Variants in RBPJ observed in about 807,000 individuals in gnomAD.
RBPJ encodes recombining binding protein suppressor of hairless.
RBPJ carries 9 observed loss-of-function variants against 67.8 expected under a neutral mutation model. The ratio of observed to expected loss-of-function variants is 0.13; its 90% CI spans 0.08 to 0.23. RBPJ has a LOEUF of 0.23. Ranked by LOEUF, RBPJ falls within the 10% of genes least tolerant of loss-of-function variation. RBPJ has a pLI of 1.00. For missense variants in RBPJ, 305 were observed against 595.6 expected, an observed-to-expected ratio of 0.51 and a Z score of 5.08; for synonymous variants, 198 against 203.3, an observed-to-expected ratio of 0.97 and a Z score of 0.22.
chr4:26,188,481 G>T (rs1717357481), intron 1 of RBPJ, among the ~76,000 whole-genome samples: 1 of 152,108 alleles, frequency 6.6e-6, no homozygotes, highest in Non-Finnish European at 1.5e-5. Context: ...TATTTTACCA[G>T]TTATCCTTAC....
chr4:26,415,832 C>T (rs555429095), intron 4 of RBPJ, among the ~76,000 whole-genome samples, 192 bp downstream of exon 4: 1 of 152,230 alleles, frequency 6.6e-6, no homozygotes, highest in Non-Finnish European at 1.5e-5. Flanking sequence ...ACGCTGCTGA[C>T]ATTGGAAGGT....
chr4:26,230,081 T>C (rs1719224402), intron 1 of RBPJ, among the ~76,000 whole-genome samples: 2 of 151,778 alleles, frequency 1.3e-5, no homozygotes, highest in African/African-American at 4.8e-5. Context: ...TCTCAGCTAC[T>C]TGGGAGGTTG....
chr4:26,185,502 C>A (rs1717213902), intron 1 of RBPJ, among the ~76,000 whole-genome samples: 1 of 152,098 alleles, frequency 6.6e-6, no homozygotes, highest in South Asian at 2.1e-4. Flanking sequence ...ATGGAGAAGG[C>A]CAGGAAAAAT....
At chr4:26,223,202 G>T (rs113532130) in intron 1 of RBPJ, among the ~76,000 whole-genome samples, 163 of 152,004 alleles carry the variant, frequency 1.1e-3, no homozygotes, top group African/African-American at 3.8e-3. Flanking sequence ...TTTGATGGTG[G>T]ATGTGCTGCT....
At chr4:26,206,625 A>G (rs1392328197) in intron 1 of RBPJ, among the ~76,000 whole-genome samples, 5 of 152,090 alleles carry the variant, frequency 3.3e-5, no homozygotes, top group Non-Finnish European at 7.3e-5. Context: ...CAAGACCAAT[A>G]TTGATCTAGT....
At chr4:26,232,780 G>A (rs147780226) in intron 1 of RBPJ, among the ~76,000 whole-genome samples, 1 of 152,314 alleles carries the variant, frequency 6.6e-6, no homozygotes, top group Non-Finnish European at 1.5e-5. Context: ...GTGGCTGGGA[G>A]CAAATGGCTT....
intron 1 of RBPJ, among the ~76,000 whole-genome samples, chr4:26,195,106 C>T (rs544424889): frequency 6.6e-6 from 1 of 152,300 alleles, no homozygotes; most frequent in East Asian, 1.9e-4. Context: ...CATGGTGGCT[C>T]ATGTCTGTAA....
At chr4:26,329,076 A>G (rs533832920) in intron 1 of RBPJ, among the ~76,000 whole-genome samples, 110 of 152,220 alleles carry the variant, frequency 7.2e-4, no homozygotes, top group African/African-American at 2.5e-3. Flanking sequence ...TCACCGCAAC[A>G]TATGCCTCCC....
chr4:26,408,882 A>C (rs2109756401), intron 3 of RBPJ, among the ~76,000 whole-genome samples: 1 of 152,330 alleles, frequency 6.6e-6, no homozygotes. Context: ...GGGATTGAGG[A>C]GGAAAAGATC....
At chr4:26,212,340 A>G (rs1718453708) in intron 1 of RBPJ, among the ~76,000 whole-genome samples, 1 of 151,426 alleles carries the variant, frequency 6.6e-6, no homozygotes, top group South Asian at 2.1e-4. Flanking sequence ...ACAGGCTATT[A>G]TTACAATGTT....
rs1718434446 is a variant in RBPJ, at chr4:26,211,839, T to TA, written c.-167+48226dup. Among the ~76,000 whole-genome samples, 4 of 152,220 alleles carry TA rather than the reference T, an allele frequency of 2.6e-5. 1 individual carries two copies. The South Asian group carries it at 8.3e-4, about 32-fold the overall frequency. ...GAAATAGGGTCATTATAGAAGTAATTAGTTAAGATGAGATCATACTGGAGT... is the reference window on the plus strand; with the variant it reads ...GAAATAGGGTCATTATAGAAGTAATTAAGTTAAGATGAGATCATACTGGAGT... On this transcript the variant is annotated intron_variant, in intron 1 of 4. Transcript: ENST00000512351.
the RBPJ span, among the ~76,000 whole-genome samples, chr4:26,106,934 A>G: frequency 6.6e-6 from 1 of 152,114 alleles, no homozygotes; most frequent in South Asian, 2.1e-4. Flanking sequence ...CCTAGGGGAA[A>G]TTTTTTATCC....
chr4:26,237,618 A>G (rs1201031809), intron 1 of RBPJ, among the ~76,000 whole-genome samples: 1 of 152,188 alleles, frequency 6.6e-6, no homozygotes, highest in Non-Finnish European at 1.5e-5. Context: ...TGATAAGTGA[A>G]GAAACAGGGT....
intron 1 of RBPJ, among the ~76,000 whole-genome samples, chr4:26,248,885 T>A (rs1490590247): frequency 6.6e-6 from 1 of 152,062 alleles, no homozygotes; most frequent in Non-Finnish European, 1.5e-5. Flanking sequence ...AGCTGGGAGG[T>A]AACCATTATG....
intron 1 of RBPJ, among the ~76,000 whole-genome samples, chr4:26,206,727 AAAAACG>A (rs755007368): frequency 1.4e-5 from 2 of 146,530 alleles, no homozygotes; most frequent in African/African-American, 5.2e-5. Context: ...TCAAAACTAT[AAAAACG>A]AAAGGCTTTC....
At chr4:26,273,362 T>A (rs937346117) in intron 1 of RBPJ, among the ~76,000 whole-genome samples, 1 of 152,234 alleles carries the variant, frequency 6.6e-6, no homozygotes, top group East Asian at 1.9e-4. Flanking sequence ...TACCACTTTA[T>A]AAAATTCAAA....
chr4:26,169,324 G>C (rs1235081620), intron 1 of RBPJ, among the ~76,000 whole-genome samples: 1 of 152,228 alleles, frequency 6.6e-6, no homozygotes, highest in Non-Finnish European at 1.5e-5. Context: ...GTTGGAGTTT[G>C]CTAGAGGTCC....
At chr4:26,278,556 T>C (rs2109272266) in intron 1 of RBPJ, among the ~76,000 whole-genome samples, 1 of 152,354 alleles carries the variant, frequency 6.6e-6, no homozygotes, top group East Asian at 1.9e-4. Flanking sequence ...TCTGCATTGC[T>C]ATCGGTTTTC....
In RBPJ at chr4:26,200,309, T is replaced by C. The variant is rs1560207772; in HGVS notation, c.-167+36695T>C. 2.0e-5 allele frequency among the ~76,000 whole-genome samples: 3 copies of C among 152,182 alleles called. No individual in the cohort carries two copies. In the South Asian group the frequency reaches 6.2e-4, roughly 31 times the overall value. On this transcript the variant is annotated intron_variant, in intron 1 of 4. Transcript: ENST00000512351. ...GTGGTATTATTAATCCAGGAGGTTA[T>C]TGAGGTATAGAAAGATGACTAACTT...
Sources: gnomAD v4.1 joint callset for allele counts (sites outside exome capture counted in the v4.1 genomes callset) on GRCh38, gnomAD v4.1.1 for gene constraint, MANE v1.5 for transcripts, NCBI Gene and HGNC (gene_info 2026-07-23, HGNC 2026-07-21) for gene names.